OCLN: variants seen among roughly 807,000 people sequenced by gnomAD.
OCLN encodes the protein phosphatase 1, regulatory subunit 115.
OCLN carries 21 observed loss-of-function variants against 47.9 expected under a neutral mutation model. The observed-to-expected ratio is 0.44, with a 90% CI of 0.31 to 0.63. OCLN has a LOEUF of 0.63. Ranked by LOEUF, OCLN falls within the 30% of genes least tolerant of loss-of-function variation. The probability of loss-of-function intolerance (pLI) is 0.08; values close to 1 mark genes in which losing one functional copy is unlikely to be tolerated. For synonymous variants in OCLN, 117 were observed against 198.4 expected (o/e 0.59, Z 3.45); for missense variants, 360 against 571.0 (o/e 0.63, Z 3.77).
At chr5:69,531,260 A>T (rs977792616) in intron 4 of OCLN, among the ~76,000 whole-genome samples, 1 of 152,178 alleles carries the variant, frequency 6.6e-6, no homozygotes, top group Non-Finnish European at 1.5e-5. Flanking sequence ...AGGTGTAGGG[A>T]GATAGCACAG....
intron 1 of OCLN, among the ~76,000 whole-genome samples, chr5:69,499,581 G>GT (rs897182756): frequency 6.6e-6 from 1 of 151,526 alleles, no homozygotes; most frequent in Non-Finnish European, 1.5e-5. Context: ...TTTTCTTGTG[G>GT]TTTTTTTCTT....
intron 1 of OCLN, among the ~76,000 whole-genome samples, chr5:69,494,378 G>C (rs1350624188): frequency 3.9e-5 from 6 of 152,176 alleles, no homozygotes; most frequent in Admixed American, 6.5e-5. Context: ...GTAGAGACAG[G>C]GTTTTGCCAT....
chr5:69,549,295 C>T (rs1245636297), intron 7 of OCLN, among the ~76,000 whole-genome samples: 4 of 103,056 alleles, frequency 3.9e-5, no homozygotes, highest in East Asian at 3.1e-4. Flanking sequence ...GAGCCAAGAT[C>T]GCGCCACTGC....
chr5:69,529,046 T>C (rs1769359281), intron 4 of OCLN, among the ~76,000 whole-genome samples: 1 of 152,208 alleles, frequency 6.6e-6, no homozygotes, highest in Non-Finnish European at 1.5e-5. Flanking sequence ...CCGATCTTTG[T>C]TTTGGAGGAG....
chr5:69,517,834 T>C (rs114940596), intron 4 of OCLN, among the ~76,000 whole-genome samples: 137 of 152,246 alleles, frequency 9.0e-4, no homozygotes, highest in Non-Finnish European at 1.6e-3. Flanking sequence ...TTAGGAAGTG[T>C]TTTCTTTCGA....
chr5:69,506,807 A>C (rs1480557441), intron 2 of OCLN, among the ~76,000 whole-genome samples: 3 of 152,200 alleles, frequency 2.0e-5, no homozygotes, highest in Non-Finnish European at 4.4e-5. Flanking sequence ...CAAGTTGTTT[A>C]TGACAATACA....
At chr5:69,538,220 CA>C (rs1380131172) in intron 5 of OCLN, among the ~76,000 whole-genome samples, 2 of 147,948 alleles carry the variant, frequency 1.4e-5, no homozygotes, top group African/African-American at 2.5e-5. Flanking sequence ...TGAAAAAGCC[CA>C]AAAAATTTCC....
intron 7 of OCLN, among the ~76,000 whole-genome samples, chr5:69,550,532 T>C (rs1769839217): frequency 6.7e-6 from 1 of 149,158 alleles, no homozygotes; most frequent in African/African-American, 2.4e-5. Flanking sequence ...GTGAAATTGC[T>C]GAGAGTCAGA....
intron 1 of OCLN, among the ~76,000 whole-genome samples, chr5:69,501,840 A>C (rs1469158954): frequency 6.6e-6 from 1 of 152,144 alleles, no homozygotes; most frequent in Non-Finnish European, 1.5e-5. Flanking sequence ...GGATTTATCT[A>C]ATACATAGTT....
At chr5:69,515,171 C>A (rs1272404122) in intron 4 of OCLN, among the ~76,000 whole-genome samples, 1 of 144,824 alleles carries the variant, frequency 6.9e-6, no homozygotes, top group Non-Finnish European at 1.5e-5. Flanking sequence ...CCCCACCTCC[C>A]TCCCGGACGG....
At chr5:69,509,072 A>C (rs1427636655) in intron 2 of OCLN, 69 bp from the exon 3 acceptor site, 1 of 1,294,748 alleles carries the variant, frequency 7.7e-7, no homozygotes, top group Non-Finnish European at 1.1e-6. Context: ...AATTATTCCA[A>C]ATAAGTTGTG....
intron 3 of OCLN, among the ~76,000 whole-genome samples, chr5:69,510,546 G>C (rs1261079140): frequency 6.6e-6 from 1 of 152,044 alleles, no homozygotes; most frequent in Non-Finnish European, 1.5e-5. Flanking sequence ...AGCTGGGCAT[G>C]GTGGCAGGCA....
chr5:69,533,961 A>T (rs1478961370), intron 4 of OCLN, among the ~76,000 whole-genome samples: 1 of 152,134 alleles, frequency 6.6e-6, no homozygotes, highest in East Asian at 1.9e-4. Context: ...CGCCCGGCCT[A>T]TTAAGGCATA....
intron 1 of OCLN, among the ~76,000 whole-genome samples, chr5:69,503,282 C>T (rs1029057272): frequency 6.6e-6 from 1 of 152,198 alleles, no homozygotes; most frequent in African/African-American, 2.4e-5. Context: ...CTTACACCTC[C>T]CTTGCCGAGA....
chr5:69,515,942 G>A (rs1412253151), intron 4 of OCLN, among the ~76,000 whole-genome samples: 1 of 151,388 alleles, frequency 6.6e-6, no homozygotes, highest in Non-Finnish European at 1.5e-5. Flanking sequence ...ATGGCATGGG[G>A]GCCGGGAAGA....
intron 1 of OCLN, among the ~76,000 whole-genome samples, chr5:69,498,478 A>G (rs1219230307): frequency 6.6e-6 from 1 of 151,810 alleles, no homozygotes; most frequent in Non-Finnish European, 1.5e-5. Context: ...TGGATGACAG[A>G]GCAAGACTCC....
intron 1 of OCLN, among the ~76,000 whole-genome samples, chr5:69,500,542 A>G (rs564405602): frequency 1.1e-4 from 16 of 151,964 alleles, no homozygotes; most frequent in Non-Finnish European, 2.1e-4. Flanking sequence ...CTGGGTTTAC[A>G]GGCATGCACC....
At chr5:69,528,892 C>G (rs918404608) in intron 4 of OCLN, among the ~76,000 whole-genome samples, 2 of 152,020 alleles carry the variant, frequency 1.3e-5, no homozygotes, top group Admixed American at 6.5e-5. Context: ...TAGCCTGACT[C>G]TCTCCCATGT....
chr5:69,523,311 G>T (rs1299427808), intron 4 of OCLN, among the ~76,000 whole-genome samples: 1 of 152,044 alleles, frequency 6.6e-6, no homozygotes, highest in East Asian at 1.9e-4. Context: ...CAGCATAATT[G>T]TGTAAAAGGG....
Sources: gnomAD v4.1 joint callset for allele counts (sites outside exome capture counted in the v4.1 genomes callset) on GRCh38, gnomAD v4.1.1 for gene constraint, MANE v1.5 for transcripts, NCBI Gene and HGNC (gene_info 2026-07-23, HGNC 2026-07-21) for gene names.